The following PALD1 variants were observed in gnomAD, a reference collection of about 807,000 sequenced individuals.
PALD1 encodes the protein paladin.
A neutral mutation model predicts 96.0 loss-of-function variants in PALD1; 57 were observed. The observed-to-expected ratio is 0.59, with a 90% CI of 0.48 to 0.74. The LOEUF (loss-of-function observed/expected upper bound fraction) is 0.74. Ranked by LOEUF, PALD1 falls within the 30% of genes least tolerant of loss-of-function variation. The pLI is 0.00. For missense variants in PALD1, 1,063 were observed against 1,143.7 expected (o/e 0.93, Z 1.02); for synonymous variants, 464 against 473.6 (o/e 0.98, Z 0.26).
At chr10:70,551,556 C>T (rs1847478636) in intron 18 of PALD1, among the ~76,000 whole-genome samples, 1 of 152,140 alleles carries the variant, frequency 6.6e-6, no homozygotes, top group African/African-American at 2.4e-5. Flanking sequence ...TCCTGAAATT[C>T]AACAGCATGT....
chr10:70,468,496 G>A, the PALD1 span, among the ~76,000 whole-genome samples: 40 of 152,092 alleles, frequency 2.6e-4, no homozygotes, highest in Non-Finnish European at 4.6e-4. Flanking sequence ...CACCCGGCTC[G>A]GCCTCCCAAA....
intron 10 of PALD1, among the ~76,000 whole-genome samples, chr10:70,536,207 A>G (rs746288984): frequency 1.3e-5 from 2 of 152,040 alleles, no homozygotes; most frequent in African/African-American, 2.4e-5. Flanking sequence ...AGGCTGAGGC[A>G]GGAGGATCTT....
rs537590799 is a variant in PALD1, at chr10:70,564,365, C to T, written c.2264C>T (p.Ala755Val). ...REIIICTYRQAKAAKEAQEMR... is the reference protein window; with the variant it reads ...REIIICTYRQVKAAKEAQEMR... ...ACCCCACCCTGTCCTGTCCTCCAGG[C>T]GAAGGCAGCGAAAGAGGCGCAAGAA... The change falls in exon 19 of 20, where the codon GCG (alanine) becomes GTG (valine). Residue 755 changes from alanine to valine, a missense_variant and splice_region_variant. Ala to Val is a moderately conservative substitution (Grantham distance 64). Coordinates refer to ENST00000263563, the MANE Select transcript of PALD1 (RefSeq NM_014431.3). 3.3e-5 allele frequency: 53 copies of T among 1,611,628 alleles called. No individual in the cohort carries two copies. The South Asian group carries it at 4.0e-4, about 12-fold the overall frequency.
At chr10:70,554,290 G>A (rs11597740) in intron 18 of PALD1, among the ~76,000 whole-genome samples, 80,809 of 151,884 alleles carry the variant, frequency 0.53, 22,117 homozygotes, top group Middle Eastern at 0.66. Flanking sequence ...TTAGCCGAGC[G>A]TGGTGGCGCA....
At chr10:70,541,350 G>C in intron 16 of PALD1, 108 bp downstream of exon 16, 1 of 1,518,302 alleles carries the variant, frequency 6.6e-7, no homozygotes, top group Non-Finnish European at 9.1e-7. Context: ...AGAGACAGCC[G>C]GGTGTGGTCC....
chr10:70,461,861 T>C, the PALD1 span, among the ~76,000 whole-genome samples: 1 of 152,190 alleles, frequency 6.6e-6, no homozygotes, highest in Non-Finnish European at 1.5e-5. Flanking sequence ...GGCACAATCA[T>C]GACTAATTGC....
intron 17 of PALD1, among the ~76,000 whole-genome samples, chr10:70,543,118 G>A (rs1011996285): frequency 2.3e-5 from 3 of 127,842 alleles, no homozygotes; most frequent in African/African-American, 5.9e-5. Context: ...GTGGTATATT[G>A]TGGCTTTGAT....
chr10:70,558,090 G>T (rs34516374), intron 18 of PALD1, among the ~76,000 whole-genome samples: 19,072 of 151,844 alleles, frequency 0.13, 1,553 homozygotes, highest in Non-Finnish European at 0.17. Flanking sequence ...CTACAGGCAT[G>T]TGCCACCACA....
intron 1 of PALD1, among the ~76,000 whole-genome samples, chr10:70,490,870 C>T (rs1374948479): frequency 1.3e-5 from 2 of 152,022 alleles, no homozygotes; most frequent in East Asian, 1.9e-4. Context: ...GGGTATTGCC[C>T]GATACTCGGA....
intron 10 of PALD1, among the ~76,000 whole-genome samples, chr10:70,535,379 CCTT>C (rs1022144293): frequency 6.7e-6 from 1 of 148,498 alleles, no homozygotes; most frequent in African/African-American, 2.5e-5. Flanking sequence ...TCCTCCTCCT[CCTT>C]CTCCTCCCCC....
intron 1 of PALD1, among the ~76,000 whole-genome samples, chr10:70,489,880 A>C (rs1301596754): frequency 6.6e-6 from 1 of 152,192 alleles, no homozygotes; most frequent in Non-Finnish European, 1.5e-5. Flanking sequence ...CATTTCATAT[A>C]AATGAAATCA....
At chr10:70,501,570 G>A (rs754909067) in intron 1 of PALD1, among the ~76,000 whole-genome samples, 5 of 152,182 alleles carry the variant, frequency 3.3e-5, no homozygotes, top group Non-Finnish European at 7.3e-5. Flanking sequence ...TCCTCACCCC[G>A]TGGGGTCAGG....
intron 1 of PALD1, among the ~76,000 whole-genome samples, chr10:70,497,042 C>T (rs547528886): frequency 1.3e-4 from 20 of 152,290 alleles, no homozygotes; most frequent in East Asian, 1.9e-4. Context: ...GGCGTGCCCA[C>T]GAAGCAGCAG....
At chr10:70,528,842 C>T (rs1386218547) in intron 2 of PALD1, among the ~76,000 whole-genome samples, 4 of 152,190 alleles carry the variant, frequency 2.6e-5, no homozygotes, top group Admixed American at 2.0e-4. Context: ...TGTTCTACCT[C>T]TGCCATCACT....
intron 1 of PALD1, among the ~76,000 whole-genome samples, chr10:70,508,729 G>T (rs1455915613): frequency 1.3e-5 from 2 of 151,488 alleles, no homozygotes; most frequent in Admixed American, 1.3e-4. Context: ...GGTACTTCTG[G>T]CTCTCAACTC....
chr10:70,557,804 T>G (rs1847640388), intron 18 of PALD1, among the ~76,000 whole-genome samples: 1 of 152,034 alleles, frequency 6.6e-6, no homozygotes, highest in Admixed American at 6.6e-5. Context: ...CAGGTTTCTT[T>G]CTGTTGAGTG....
intron 1 of PALD1, among the ~76,000 whole-genome samples, chr10:70,522,386 G>A (rs1013348641): frequency 6.6e-6 from 1 of 152,238 alleles, no homozygotes; most frequent in African/African-American, 2.4e-5. Context: ...AGCACCAGGT[G>A]CAGAATTGCC....
At chr10:70,546,270 C>T (rs891623145) in intron 17 of PALD1, among the ~76,000 whole-genome samples, 3 of 152,120 alleles carry the variant, frequency 2.0e-5, no homozygotes, top group Non-Finnish European at 4.4e-5. Context: ...CAAAAATAAG[C>T]ACCTTAGATC....
chr10:70,535,456 C>G (rs1351498793), intron 10 of PALD1, among the ~76,000 whole-genome samples: 1 of 113,768 alleles, frequency 8.8e-6, no homozygotes, highest in Non-Finnish European at 1.7e-5. Flanking sequence ...CCTTCCCCCT[C>G]TTCCTCTTCC....
Sources: gnomAD v4.1 joint callset for allele counts (sites outside exome capture counted in the v4.1 genomes callset) on GRCh38, gnomAD v4.1.1 for gene constraint, MANE v1.5 for transcripts, NCBI Gene and HGNC (gene_info 2026-07-23, HGNC 2026-07-21) for gene names.